The following NIPAL3 variants were observed in gnomAD, a reference collection of about 807,000 sequenced individuals.
NIPAL3 encodes NIPA like domain containing 3, also known as NIPA-like protein 3.
A neutral mutation model predicts 47.2 loss-of-function variants in NIPAL3; 41 were observed. The ratio of observed to expected loss-of-function variants is 0.87; its 90% CI spans 0.68 to 1.13. The LOEUF is 1.13. Among genes scored for constraint, NIPAL3 ranks in the 50% most tolerant of loss-of-function variants. The probability of loss-of-function intolerance (pLI) is 0.00; values close to 1 mark genes in which losing one functional copy is unlikely to be tolerated. For synonymous variants in NIPAL3, 194 were observed against 209.6 expected, an observed-to-expected ratio of 0.93 and a Z score of 0.64; for missense variants, 449 against 530.1, an observed-to-expected ratio of 0.85 and a Z score of 1.50.
At chr1:24,415,768 T>C (rs1025665708), upstream of NIPAL3, 16 of 923,666 alleles carry the variant, frequency 1.7e-5, no homozygotes, top group Non-Finnish European at 1.9e-5. Flanking sequence ...TCGCGACCTT[T>C]GAAAGCAAAA....
Position 24,419,609 on chromosome 1 carries a change from G to C in NIPAL3, c.62G>C (p.Ser21Thr), listed in dbSNP as rs1644224182. The C allele has an allele frequency of 5.0e-6, 8 of 1,614,114 alleles. No individual in the cohort carries two copies. Among genetic ancestry groups the C allele is most frequent in the Non-Finnish European group, 6.8e-6 (8 of 1,179,994 alleles). Reference protein sequence around the residue: ...LQQLPPTSSSSAVSEASFSYK... With the variant: ...LQQLPPTSSSTAVSEASFSYK... Reference sequence around the variant, plus strand: ...CAGCTGCCTCCCACAAGTAGCTCCAGCGCCGTAAGCGAGGCCTCCTTCTCC... The same window carrying C: ...CAGCTGCCTCCCACAAGTAGCTCCACCGCCGTAAGCGAGGCCTCCTTCTCC... Residue 21 changes from serine (S) to threonine (T), a missense_variant, in exon 2 of 12, where the codon AGC becomes ACC. Transcript: ENST00000374399.
At position 24,419,634 on chromosome 1, in the gene NIPAL3, C is replaced by T; in HGVS notation, c.87C>T (p.Ser29=). 6.2e-7 allele frequency: 1 copy of T among 1,613,848 alleles called. No homozygotes were observed. The highest frequency in any genetic ancestry group is 8.5e-7 in the Non-Finnish European group (1 of 1,179,852). The change falls in exon 2 of 12, where the codon TCC becomes TCT. Residue 29 remains serine, a synonymous_variant. Coordinates refer to ENST00000374399, the MANE Select transcript of NIPAL3 (RefSeq NM_020448.5). Reference sequence around the variant, plus strand: ...GCGCCGTAAGCGAGGCCTCCTTCTCCTACAAGGCAAGGGCTTTTTTGGGGT... The same window carrying T: ...GCGCCGTAAGCGAGGCCTCCTTCTCTTACAAGGCAAGGGCTTTTTTGGGGT... The part of the protein sequence containing the change: ...SSSAVSEASF[S]YKENLIGALL...
intron 11 of NIPAL3, 52 bp downstream of exon 11, chr1:24,464,172 T>C (rs1354032305): frequency 2.2e-6 from 3 of 1,386,636 alleles, no homozygotes; most frequent in Non-Finnish European, 3.0e-6. Context: ...GAATGACTGC[T>C]ACTTCCTGTT....
Position 24,460,474 on chromosome 1 carries a change from G to A in NIPAL3, c.863-7G>A. On this transcript the variant is annotated splice_region_variant and splice_polypyrimidine_tract_variant and intron_variant, in intron 9 of 11. Transcript: ENST00000374399. ...TCAGCGGTATTTTCTATGATTTGCT[G>A]CTGCAGGTGCAATATTTTACCTGGA... The A allele has an allele frequency of 6.3e-7, 1 of 1,586,988 alleles. No individual in the cohort carries two copies. The highest frequency in any genetic ancestry group is 8.6e-7 in the Non-Finnish European group (1 of 1,169,156).
At chr1:24,458,779 C>A in intron 8 of NIPAL3, 109 bp from the exon 9 acceptor site, 1 of 835,754 alleles carries the variant, frequency 1.2e-6, no homozygotes, top group Non-Finnish European at 2.0e-6. Context: ...ACCCAAGGAA[C>A]ATTCCTAAAT....
At chr1:24,460,393 G>T in intron 9 of NIPAL3, 88 bp from the exon 10 acceptor site, 1 of 1,070,302 alleles carries the variant, frequency 9.3e-7, no homozygotes, top group Admixed American at 2.6e-5. Flanking sequence ...TTCCTAAATG[G>T]AAGAGAGCTT....
chr1:24,415,822 A>G lies in NIPAL3; in HGVS notation c.-340A>G. On this transcript the variant is annotated 5_prime_UTR_variant, in exon 1 of 12. Coordinates refer to ENST00000374399, the MANE Select transcript of NIPAL3 (RefSeq NM_020448.5). ...GCTCTGAATTGGGAAGGGATGAAGGAGGCTGTGCCTCCGGGTTGCACGAAG... is the reference window on the plus strand; with the variant it reads ...GCTCTGAATTGGGAAGGGATGAAGGGGGCTGTGCCTCCGGGTTGCACGAAG... 1 of 985,322 alleles carries G rather than the reference A, an allele frequency of 1.0e-6. No homozygotes were observed. Among genetic ancestry groups the G allele is most frequent in the East Asian group, 1.1e-4 (1 of 8,816 alleles). 61.0% of individuals were successfully genotyped at this position (985,322 alleles called of 1,614,324 possible). A position where few individuals can be genotyped will look rare whatever the true frequency, so the allele number is the denominator to read the frequency against.
intron 2 of NIPAL3, among the ~76,000 whole-genome samples, chr1:24,424,102 A>G (rs1225893271): frequency 6.6e-6 from 1 of 152,186 alleles, no homozygotes; most frequent in East Asian, 1.9e-4. Context: ...CTAGTATGGA[A>G]TATCTTCATG....
Position 24,469,192 on chromosome 1 carries a change from C to T in NIPAL3, c.*7C>T. ...GCACACCAAGAAGGAATGAGACTCG[C>T]CTCCCTCTATTTATAACTGTCCCCT... On this transcript the variant is annotated 3_prime_UTR_variant, in exon 12 of 12. Coordinates refer to ENST00000374399, the MANE Select transcript of NIPAL3 (RefSeq NM_020448.5). The T allele has an allele frequency of 6.2e-7, 1 of 1,611,024 alleles. No homozygotes were observed. The highest frequency in any genetic ancestry group is 8.5e-7 in the Non-Finnish European group (1 of 1,178,484).
intron 1 of NIPAL3, among the ~76,000 whole-genome samples, chr1:24,418,744 CAG>C (rs1349503603): frequency 6.6e-6 from 1 of 152,170 alleles, no homozygotes; most frequent in Admixed American, 6.5e-5. Flanking sequence ...CTCTGAGAGG[CAG>C]AGTTACCTGG....
At chr1:24,467,704 C>T (rs1425957512) in intron 11 of NIPAL3, among the ~76,000 whole-genome samples, 1 of 152,102 alleles carries the variant, frequency 6.6e-6, no homozygotes, top group Non-Finnish European at 1.5e-5. Flanking sequence ...AAGCCATTGT[C>T]ATTGCTATTG....
chr1:24,442,190 T>A lies in NIPAL3; in HGVS notation c.298T>A (p.Ser100Thr). Residue 100 changes from serine to threonine, a missense_variant, in exon 4 of 12, where the codon TCA (serine) becomes ACA (threonine). Physicochemically the swap from Ser to Thr is moderately conservative, Grantham distance 58 (BLOSUM62 1). Coordinates refer to ENST00000374399, the MANE Select transcript of NIPAL3 (RefSeq NM_020448.5). ...CGCCTCCTACGCCTTCGCGCCGCTG[T>A]CACTCATCGTGCCCCTCAGCGCAGT... ...VFASYAFAPL[S>T]LIVPLSAVSV... is the part of the protein sequence containing the mutation. 1 of 1,614,124 alleles carries A rather than the reference T, an allele frequency of 6.2e-7. No individual in the cohort carries two copies. The highest frequency in any genetic ancestry group is 1.1e-5 in the South Asian group (1 of 91,088).
Position 24,449,599 on chromosome 1 carries a change from C to T in NIPAL3, c.513C>T (p.Leu171=), listed in dbSNP as rs144647080. 54 of 1,613,758 alleles carry T rather than the reference C, an allele frequency of 3.3e-5. No homozygotes were observed. The highest frequency in any genetic ancestry group is 3.3e-4 in the Middle Eastern group (2 of 6,082). ...CAGGCGAGAATGTCACCAGGCACCTCGTGAGCTGGCCTTTCCTTTTGTACA... is the reference window on the plus strand; with the variant it reads ...CAGGCGAGAATGTCACCAGGCACCTTGTGAGCTGGCCTTTCCTTTTGTACA... The part of the protein sequence containing the change: ...KMTGENVTRH[L]VSWPFLLYML... Residue 171 remains leucine (L), a synonymous_variant, in exon 6 of 12, where the codon CTC becomes CTT. Transcript: ENST00000374399. The surrounding 1 kb of genome is among the most constrained non-coding windows in gnomAD (Gnocchi z 4.5).
rs1341959449 is a variant in NIPAL3, at chr1:24,454,283, TCAGGGCTGGTGA to T, written c.637+780_637+791del. On this transcript the variant is annotated intron_variant, in intron 7 of 11. Coordinates refer to ENST00000374399, the MANE Select transcript of NIPAL3 (RefSeq NM_020448.5). This position sits in a 1 kb window ranked among gnomAD's most constrained non-coding sequence, Gnocchi z 4.1. ...ACAGAGGCGGAGGAGCAGGCTGGTG[TCAGGGCTGGTGA>T]AGCCTGCTACCGCGCTGCTCTTGAG... 6 of 1,162,952 alleles carry T rather than the reference TCAGGGCTGGTGA, an allele frequency of 5.2e-6. No individual in the cohort carries two copies. Among genetic ancestry groups the T allele is most frequent in the Non-Finnish European group, 5.4e-6 (5 of 931,416 alleles). 72.0% of individuals were successfully genotyped at this position (1,162,952 alleles called of 1,614,324 possible). A position where few individuals can be genotyped will look rare whatever the true frequency, so the allele number is the denominator to read the frequency against.
chr1:24,428,405 C>T (rs1644727825), intron 2 of NIPAL3, among the ~76,000 whole-genome samples: 1 of 151,720 alleles, frequency 6.6e-6, no homozygotes, highest in Non-Finnish European at 1.5e-5. Flanking sequence ...ATTATCAGAC[C>T]TTTGTTTGAT....
intron 4 of NIPAL3, among the ~76,000 whole-genome samples, chr1:24,443,237 A>C (rs141139657): frequency 2.0e-5 from 3 of 152,240 alleles, no homozygotes; most frequent in African/African-American, 7.2e-5. Context: ...TAGAAAAAAA[A>C]AATTCTTCTT....
rs1340152773 is a variant in NIPAL3, at chr1:24,454,107, G to A, written c.637+603G>A. The A allele has an allele frequency of 3.8e-6, 4 of 1,053,362 alleles. No homozygotes were observed. The East Asian group carries it at 1.8e-4, about 47-fold the overall frequency. The allele number at this position is 1,053,362 out of a possible 1,614,324, so 65.3% of individuals were successfully genotyped here. On this transcript the variant is annotated intron_variant, in intron 7 of 11. Transcript: ENST00000374399. This position sits in a 1 kb window ranked among gnomAD's most constrained non-coding sequence, Gnocchi z 4.1. ...AGTGGTACAATCTTAGCTCTCTGCAGCCTTGACCTCCTGGCCTCAAGTGAT... is the reference window on the plus strand; with the variant it reads ...AGTGGTACAATCTTAGCTCTCTGCAACCTTGACCTCCTGGCCTCAAGTGAT...
At chr1:24,428,904 T>A (rs111701995) in intron 2 of NIPAL3, among the ~76,000 whole-genome samples, 10 of 152,146 alleles carry the variant, frequency 6.6e-5, no homozygotes, top group African/African-American at 2.4e-4. Flanking sequence ...GTGGCCACAG[T>A]GGCCTCCCTC....
intron 2 of NIPAL3, among the ~76,000 whole-genome samples, chr1:24,431,583 A>T (rs1644880872): frequency 6.6e-6 from 1 of 152,110 alleles, no homozygotes; most frequent in Non-Finnish European, 1.5e-5. Flanking sequence ...TTAGAAACAT[A>T]GTCCTAATAA....
Sources: gnomAD v4.1 joint callset for allele counts (sites outside exome capture counted in the v4.1 genomes callset) on GRCh38, gnomAD v4.1.1 for gene constraint, Gnocchi (gnomAD v3.1) non-coding constraint, MANE v1.5 for transcripts, NCBI Gene and HGNC (gene_info 2026-07-23, HGNC 2026-07-21) for gene names.